RNF157: variants seen among roughly 807,000 people sequenced by gnomAD.
The protein encoded by RNF157 is E3 ubiquitin ligase RNF157.
RNF157 carries 55 observed loss-of-function variants against 88.3 expected under a neutral mutation model. The observed-to-expected ratio is 0.62, with a 90% CI of 0.50 to 0.78. The LOEUF (loss-of-function observed/expected upper bound fraction) is 0.78. Ranked by LOEUF, RNF157 falls within the 30% of genes least tolerant of loss-of-function variation. The pLI is 0.00. For missense variants in RNF157, 788 were observed against 860.8 expected (o/e 0.92, Z 1.06); for synonymous variants, 334 against 341.2 (o/e 0.98, Z 0.23).
Position 76,158,406 on chromosome 17 carries a change from T to C in RNF157, c.1400A>G (p.Gln467Arg). The C allele has an allele frequency of 6.2e-7, 1 of 1,612,156 alleles. No homozygotes were observed. Among genetic ancestry groups the C allele is most frequent in the Non-Finnish European group, 8.5e-7 (1 of 1,178,476 alleles). ...AATGTCAATTACCTCTCCGAGATGC[T>C]GAACCGACGGTCTCTGAGAGAGCTG... Reference protein sequence around the residue: ...ETQLSQRPSVQHLGEECGVTP... With the variant: ...ETQLSQRPSVRHLGEECGVTP... The change falls in exon 13 of 19, where the codon CAG becomes CGG. Residue 467 changes from glutamine (Q) to arginine (R), a missense_variant. Physicochemically the swap from Gln to Arg is conservative, Grantham distance 43 (BLOSUM62 1). Transcript: ENST00000269391.
chr17:76,178,109 A>G (rs1203792770), intron 2 of RNF157, among the ~76,000 whole-genome samples: 2 of 152,232 alleles, frequency 1.3e-5, no homozygotes, highest in African/African-American at 2.4e-5. Flanking sequence ...TGGTGGGACT[A>G]AAAGAGCTGT....
intron 1 of RNF157, among the ~76,000 whole-genome samples, chr17:76,235,342 C>T (rs1299899937): frequency 6.6e-6 from 1 of 152,032 alleles, no homozygotes; most frequent in Non-Finnish European, 1.5e-5. Context: ...GGACTACAGG[C>T]TTCTGTCACC....
intron 1 of RNF157, chr17:76,226,750 G>C: frequency 6.3e-7 from 1 of 1,596,508 alleles, no homozygotes; most frequent in Non-Finnish European, 8.5e-7. Context: ...ACTGGTCGAA[G>C]GGGGACATCA....
intron 1 of RNF157, among the ~76,000 whole-genome samples, chr17:76,230,358 T>C (rs2145074962): frequency 6.6e-6 from 1 of 152,332 alleles, no homozygotes; most frequent in South Asian, 2.1e-4. Context: ...ATCTCACTTC[T>C]CTGGTCACCC....
In RNF157 at chr17:76,145,180, G is replaced by A; in HGVS notation, c.*55C>T. ...AGGATGCCCAGTAGGCAGCAGCTGA[G>A]TGAGGATGGATGGAATGCAGGGCAG... On this transcript the variant is annotated 3_prime_UTR_variant, in exon 19 of 19. Coordinates refer to ENST00000269391, the MANE Select transcript of RNF157 (RefSeq NM_052916.3). 8.3e-7 allele frequency: 1 copy of A among 1,206,758 alleles called. No individual in the cohort carries two copies. The allele number at this position is 1,206,758 out of a possible 1,614,324, so 74.8% of individuals were successfully genotyped here. A position where few individuals can be genotyped will look rare whatever the true frequency, so the allele number is the denominator to read the frequency against.
chr17:76,167,129 A>G lies in RNF157; in HGVS notation c.444-3T>C, dbSNP rs1213580491. 2.5e-6 allele frequency: 4 copies of G among 1,610,148 alleles called. No homozygotes were observed. The highest frequency in any genetic ancestry group is 3.4e-6 in the Non-Finnish European group (4 of 1,177,800). ...GGCTGTTGTCTTTGGGAATGTAGCT[A>G]TTGATACAAGTGGGAGGCAAAGCAA... is the stretch of plus-strand genomic sequence containing the variant. On this transcript the variant is annotated splice_polypyrimidine_tract_variant and splice_region_variant and intron_variant, in intron 4 of 18. Coordinates refer to ENST00000269391, the MANE Select transcript of RNF157 (RefSeq NM_052916.3).
chr17:76,151,143 A>G (rs766597079), intron 18 of RNF157, among the ~76,000 whole-genome samples: 1 of 152,248 alleles, frequency 6.6e-6, no homozygotes, highest in Non-Finnish European at 1.5e-5. Flanking sequence ...ACGCTCAGGC[A>G]GGAAGGGGGT....
chr17:76,226,787 A>G, intron 1 of RNF157: 1 of 1,563,020 alleles, frequency 6.4e-7, no homozygotes, highest in South Asian at 1.2e-5. Context: ...CTCGTTGCTC[A>G]GGAAGCTCAT....
intron 17 of RNF157, 190 bp from the exon 18 acceptor site, chr17:76,152,655 G>A (rs74560598): frequency 0.019 from 10,425 of 538,200 alleles, 138 homozygotes; most frequent in Non-Finnish European, 0.027. Context: ...GTGTTCTCGC[G>A]CTTTCCTGCT....
chr17:76,187,214 C>T (rs542871341), intron 2 of RNF157, among the ~76,000 whole-genome samples: 91 of 151,438 alleles, frequency 6.0e-4, no homozygotes, highest in African/African-American at 2.1e-3. Flanking sequence ...GATGGAGTCT[C>T]GCTCTGTCAC....
chr17:76,192,461 C>G (rs1488250683), intron 2 of RNF157, among the ~76,000 whole-genome samples: 1 of 152,128 alleles, frequency 6.6e-6, no homozygotes, highest in Non-Finnish European at 1.5e-5. Flanking sequence ...TCGTGTTACC[C>G]CTAGTGATTA....
chr17:76,186,666 G>A (rs1003013634), intron 2 of RNF157, among the ~76,000 whole-genome samples: 1 of 152,006 alleles, frequency 6.6e-6, no homozygotes, highest in African/African-American at 2.4e-5. Context: ...GGCCGGGGGG[G>A]CAGTGGCTCA....
chr17:76,190,170 CTTTTTTT>C (rs71161273), intron 2 of RNF157, among the ~76,000 whole-genome samples: 1 of 123,568 alleles, frequency 8.1e-6, no homozygotes, highest in African/African-American at 2.7e-5. Context: ...CTTGCTCTCT[CTTTTTTT>C]TTTTTTTTTG....
intron 13 of RNF157, 90 bp from the exon 14 acceptor site, chr17:76,156,411 G>A: frequency 1.3e-6 from 2 of 1,571,872 alleles, no homozygotes; most frequent in Non-Finnish European, 1.7e-6. Context: ...TCTGGGTAGA[G>A]ATGAGGAGGA....
At chr17:76,225,667 T>C in intron 1 of RNF157, 1 of 1,176,792 alleles carries the variant, frequency 8.5e-7, no homozygotes, top group East Asian at 2.7e-5. Context: ...TGTATTTTTT[T>C]CCCTACAAAA....
intron 1 of RNF157, among the ~76,000 whole-genome samples, chr17:76,230,991 T>C (rs2070182512): frequency 6.6e-6 from 1 of 150,588 alleles, no homozygotes; most frequent in East Asian, 2.0e-4. Context: ...CAGGCTAGAG[T>C]GCAGTGACCA....
chr17:76,203,908 C>T (rs934410004), intron 2 of RNF157, among the ~76,000 whole-genome samples: 1 of 151,844 alleles, frequency 6.6e-6, no homozygotes, highest in African/African-American at 2.4e-5. Context: ...GCTGGGACTA[C>T]AGGCGCCCGC....
intron 18 of RNF157, among the ~76,000 whole-genome samples, chr17:76,151,546 C>T (rs949444007): frequency 3.9e-5 from 6 of 152,204 alleles, no homozygotes; most frequent in African/African-American, 7.2e-5. Flanking sequence ...CAATTTCTGT[C>T]GTGAAACCCG....
chr17:76,212,590 G>A, intron 1 of RNF157, 108 bp from the exon 2 acceptor site: 1 of 695,216 alleles, frequency 1.4e-6, no homozygotes, highest in Non-Finnish European at 2.4e-6. Flanking sequence ...GGCTGTGCGT[G>A]GTGGCTCACA....
Sources: gnomAD v4.1 joint callset for allele counts (sites outside exome capture counted in the v4.1 genomes callset) on GRCh38, gnomAD v4.1.1 for gene constraint, MANE v1.5 for transcripts, NCBI Gene and HGNC (gene_info 2026-07-23, HGNC 2026-07-21) for gene names.